SGSM2: variants seen among roughly 807,000 people sequenced by gnomAD.
The protein encoded by SGSM2 is RUN and TBC1 domain containing 1.
Under a neutral mutation model 126.6 loss-of-function variants are expected in SGSM2, and 89 were observed. That is an observed-to-expected ratio of 0.70 (90% CI 0.59 to 0.84). The LOEUF (loss-of-function observed/expected upper bound fraction) is 0.84. Ranked by LOEUF, SGSM2 falls within the 40% of genes least tolerant of loss-of-function variation. SGSM2 has a pLI of 0.00. For missense variants in SGSM2, 1,404 were observed against 1,416.6 expected (o/e 0.99, Z 0.14); for synonymous variants, 614 against 574.3 (o/e 1.07, Z -0.99).
chr17:2,380,660 C>T lies in SGSM2; in HGVS notation c.*1140C>T. 1 of 357,342 alleles carries T rather than the reference C, an allele frequency of 2.8e-6. No homozygotes were observed. 22.1% of individuals were successfully genotyped at this position (357,342 alleles called of 1,614,324 possible). Reference sequence around the variant, plus strand: ...TAGGCATGCTGCTTGCTCGGCCATCCCCACTTCCTCCTCTACCCCAACACA... The same window carrying T: ...TAGGCATGCTGCTTGCTCGGCCATCTCCACTTCCTCCTCTACCCCAACACA... On this transcript the variant is annotated 3_prime_UTR_variant, in exon 24 of 24. Coordinates refer to ENST00000268989, the MANE Select transcript of SGSM2 (RefSeq NM_014853.3).
In SGSM2 at chr17:2,363,551, C is replaced by T. The variant is rs1453969752; in HGVS notation, c.759C>T (p.Asn253=). The T allele has an allele frequency of 1.9e-6, 3 of 1,613,564 alleles. No homozygotes were observed. Among genetic ancestry groups the T allele is most frequent in the Middle Eastern group, 1.7e-4 (1 of 6,058 alleles). ...ARECVESLHQ[N]SRTRLLYGKN... is the part of the protein sequence containing the mutation. The stretch of plus-strand genomic sequence containing the variant: ...AGTGTGTGGAGTCCCTGCACCAGAA[C>T]TCACGGACGCGGCTGCTCTATGGCA... The change falls in exon 7 of 24, where the codon AAC becomes AAT. Residue 253 remains asparagine, a synonymous_variant. Coordinates refer to ENST00000268989, the MANE Select transcript of SGSM2 (RefSeq NM_014853.3). The surrounding 1 kb of genome is among the most constrained non-coding windows in gnomAD (Gnocchi z 4.2).
At chr17:2,352,944 A>G (rs1281654039) in intron 2 of SGSM2, among the ~76,000 whole-genome samples, 2 of 147,780 alleles carry the variant, frequency 1.4e-5, no homozygotes, top group African/African-American at 5.0e-5. Context: ...CGCCCGGCTA[A>G]TTTTTTGTAT....
chr17:2,354,324 A>C (rs1029414664), intron 2 of SGSM2, among the ~76,000 whole-genome samples: 6 of 152,224 alleles, frequency 3.9e-5, no homozygotes, highest in African/African-American at 1.4e-4. Flanking sequence ...CTGGGATTAC[A>C]GGCGTGAGCC....
At chr17:2,364,856 G>A (rs371784897) in intron 9 of SGSM2, 41 bp from the exon 10 acceptor site, 66 of 1,596,228 alleles carry the variant, frequency 4.1e-5, no homozygotes, top group African/African-American at 1.5e-4. Context: ...TGTGATAGCC[G>A]ACGAGAGGGC....
At chr17:2,352,910 T>C in intron 2 of SGSM2, among the ~76,000 whole-genome samples, 1 of 141,500 alleles carries the variant, frequency 7.1e-6, no homozygotes, top group African/African-American at 2.7e-5. Flanking sequence ...CCCGAGTAGC[T>C]GGGACTACAG....
rs767657927 is a variant in SGSM2 at position 2,373,084 on chromosome 17, G to A, written c.1917+3G>A. The A allele has an allele frequency of 5.6e-6, 9 of 1,604,618 alleles. No individual in the cohort carries two copies. Among genetic ancestry groups the A allele is most frequent in the Non-Finnish European group, 6.8e-6 (8 of 1,176,992 alleles). On this transcript the variant is annotated splice_donor_region_variant and intron_variant, in intron 16 of 23. Transcript: ENST00000268989. ...TGAGCAAGAAGGAGATGGAGCAGGT[G>A]AGGGGAGCCTGTTCCCATGGGGCTG...
At chr17:2,373,553 G>A (rs756470923) in intron 17 of SGSM2, 40 bp downstream of exon 17, 12 of 1,555,466 alleles carry the variant, frequency 7.7e-6, no homozygotes, top group Admixed American at 3.6e-5. Context: ...GGTCTCGGGG[G>A]CCACCCGCGT....
At chr17:2,358,036 C>T (rs536572843) in intron 2 of SGSM2, among the ~76,000 whole-genome samples, 1 of 152,338 alleles carries the variant, frequency 6.6e-6, no homozygotes, top group African/African-American at 2.4e-5. Flanking sequence ...ACAGCTCAGT[C>T]AGCAGGCAGG....
intron 2 of SGSM2, among the ~76,000 whole-genome samples, chr17:2,352,679 C>G (rs1294086833): frequency 6.6e-6 from 1 of 151,970 alleles, no homozygotes; most frequent in Non-Finnish European, 1.5e-5. Context: ...CACATGAGAG[C>G]CAAGGCAGAA....
At position 2,363,934 on chromosome 17, in the gene SGSM2, G is replaced by C; in HGVS notation, c.808-125G>C. On this transcript the variant is annotated intron_variant, in intron 7 of 23. Coordinates refer to ENST00000268989, the MANE Select transcript of SGSM2 (RefSeq NM_014853.3). This position sits in a 1 kb window ranked among gnomAD's most constrained non-coding sequence, Gnocchi z 4.2. ...TTCCTGTGCTTCTGCCCCGTCCCTA[G>C]TCCAGGACCCCGTGACTAGCCTAGC... The C allele has an allele frequency of 8.2e-7, 1 of 1,215,298 alleles. No homozygotes were observed. Among genetic ancestry groups the C allele is most frequent in the Non-Finnish European group, 1.2e-6 (1 of 845,066 alleles). The allele number at this position is 1,215,298 out of a possible 1,614,324, so 75.3% of individuals were successfully genotyped here.
intron 10 of SGSM2, 60 bp downstream of exon 10, chr17:2,365,117 C>A: frequency 6.3e-7 from 1 of 1,598,452 alleles, no homozygotes; most frequent in South Asian, 1.1e-5. Flanking sequence ...GCCCGCCTCC[C>A]TTCCTTCCCC....
intron 2 of SGSM2, among the ~76,000 whole-genome samples, chr17:2,358,130 A>T (rs2065156046): frequency 6.6e-6 from 1 of 152,072 alleles, no homozygotes; most frequent in African/African-American, 2.4e-5. Flanking sequence ...CACAGTGGGG[A>T]CCTGGGGAAG....
At chr17:2,340,750 A>G (rs904232401) in intron 1 of SGSM2, among the ~76,000 whole-genome samples, 3 of 151,206 alleles carry the variant, frequency 2.0e-5, no homozygotes, top group South Asian at 2.1e-4. Flanking sequence ...ACGCCCGGCT[A>G]ATTTTTTGTA....
chr17:2,370,483 T>C (rs908314324), intron 12 of SGSM2, among the ~76,000 whole-genome samples: 15 of 131,916 alleles, frequency 1.1e-4, no homozygotes, highest in Non-Finnish European at 2.4e-4. Context: ...CTCTGTCACA[T>C]TGGATAGTGG....
chr17:2,376,983 G>A lies in SGSM2; in HGVS notation c.2717G>A (p.Ser906Asn), dbSNP rs1379949833. Residue 906 changes from serine (S) to asparagine (N), a missense_variant, in exon 21 of 24, where the codon AGC (serine) becomes AAC (asparagine). Physicochemically the swap from Ser to Asn is conservative, Grantham distance 46. Transcript: ENST00000268989. Reference sequence around the variant, plus strand: ...GATCAGCTGGCCTACAGCTGCTTCAGCCACCTCATGAAGAGGATGAGCCAG... The same window carrying A: ...GATCAGCTGGCCTACAGCTGCTTCAACCACCTCATGAAGAGGATGAGCCAG... ...DNDQLAYSCF[S>N]HLMKRMSQNF... is the part of the protein sequence containing the mutation. 1.2e-6 allele frequency: 2 copies of A among 1,613,696 alleles called. No individual in the cohort carries two copies. The highest frequency in any genetic ancestry group is 1.7e-6 in the Non-Finnish European group (2 of 1,179,890).
intron 18 of SGSM2, 100 bp from the exon 19 acceptor site, chr17:2,376,037 T>C: frequency 2.5e-6 from 4 of 1,577,302 alleles, no homozygotes; most frequent in Non-Finnish European, 3.4e-6. Context: ...CGCTCTGGTC[T>C]CTGGGTTCCG....
intron 1 of SGSM2, among the ~76,000 whole-genome samples, chr17:2,340,640 C>G (rs150377492): frequency 3.3e-5 from 5 of 150,478 alleles, no homozygotes; most frequent in South Asian, 2.1e-4. Context: ...GCTGGAGTGC[C>G]GTGGCGCCAT....
chr17:2,380,042 G>A lies in SGSM2; in HGVS notation c.*522G>A, dbSNP rs915759064. 19 of 1,392,002 alleles carry A rather than the reference G, an allele frequency of 1.4e-5. No homozygotes were observed. The highest frequency in any genetic ancestry group is 2.6e-4 in the Middle Eastern group (1 of 3,792). The allele number at this position is 1,392,002 out of a possible 1,614,324, so 86.2% of individuals were successfully genotyped here. A position where few individuals can be genotyped will look rare whatever the true frequency, so the allele number is the denominator to read the frequency against. On this transcript the variant is annotated 3_prime_UTR_variant, in exon 24 of 24. Transcript: ENST00000268989. Reference sequence around the variant, plus strand: ...GTTTAGGCACACGTCACGGGTGCGGGAGACCCGGGCACGGGAGACCCGGGC... The same window carrying A: ...GTTTAGGCACACGTCACGGGTGCGGAAGACCCGGGCACGGGAGACCCGGGC...
At chr17:2,378,055 C>G in intron 22 of SGSM2, 102 bp downstream of exon 22, 1 of 720,112 alleles carries the variant, frequency 1.4e-6, no homozygotes, top group Non-Finnish European at 2.4e-6. Context: ...TTGGAACCAC[C>G]TGGGGAGCTT....
Sources: allele counts gnomAD v4.1 joint callset (sites outside exome capture counted in the v4.1 genomes callset), GRCh38; gene constraint gnomAD v4.1.1; non-coding constraint Gnocchi (gnomAD v3.1); transcripts MANE v1.5; gene names NCBI Gene and HGNC (gene_info 2026-07-23, HGNC 2026-07-21).